Variants in RBFOX1 observed in about 807,000 individuals in gnomAD.
The protein encoded by RBFOX1 is RNA binding protein fox-1 homolog 1.
In RBFOX1, 8 loss-of-function variants were observed where a neutral mutation model predicts 57.7. That is an observed-to-expected ratio of 0.14 (90% CI 0.08 to 0.25). RBFOX1 has a LOEUF of 0.25. Ranked by LOEUF, RBFOX1 falls within the 10% of genes least tolerant of loss-of-function variation. RBFOX1 has a pLI of 1.00. For synonymous variants in RBFOX1, 326 were observed against 222.4 expected (o/e 1.47, Z -4.15); for missense variants, 611 against 548.5 (o/e 1.11, Z -1.14).
At chr16:7,367,717 C>G (rs1050616245) in intron 4 of RBFOX1, among the ~76,000 whole-genome samples, 2 of 152,166 alleles carry the variant, frequency 1.3e-5, no homozygotes, top group African/African-American at 4.8e-5. Flanking sequence ...GAGGCAGCTT[C>G]TCCTTAGCTG....
intron 14 of RBFOX1, among the ~76,000 whole-genome samples, chr16:7,684,695 G>C (rs1271047895): frequency 6.6e-6 from 1 of 151,328 alleles, no homozygotes; most frequent in Admixed American, 6.6e-5. Flanking sequence ...TTTCAATTTT[G>C]TAATTTAAAA....
intron 3 of RBFOX1, among the ~76,000 whole-genome samples, chr16:6,770,022 A>T (rs2078032305): frequency 6.6e-6 from 1 of 152,162 alleles, no homozygotes; most frequent in African/African-American, 2.4e-5. Context: ...CTCTATTCTC[A>T]GGATGGTTGA....
At chr16:5,998,753 G>A (rs879424549) in intron 4 of RBFOX1, among the ~76,000 whole-genome samples, 22 of 152,146 alleles carry the variant, frequency 1.4e-4, no homozygotes, top group Non-Finnish European at 3.1e-4. Flanking sequence ...AGTGCAAATG[G>A]CATTTTTTCG....
At chr16:6,209,317 G>C (rs948098365) in intron 1 of RBFOX1, among the ~76,000 whole-genome samples, 3 of 152,312 alleles carry the variant, frequency 2.0e-5, no homozygotes, top group Non-Finnish European at 2.9e-5. Flanking sequence ...GTTACATTAT[G>C]TTCCCCTGGG....
At chr16:6,196,438 T>G (rs1382244023) in intron 1 of RBFOX1, among the ~76,000 whole-genome samples, 1 of 152,180 alleles carries the variant, frequency 6.6e-6, no homozygotes, top group Non-Finnish European at 1.5e-5. Flanking sequence ...GCAGAAAACG[T>G]TTAACACATT....
rs367872398 is a variant in RBFOX1, at chr16:5,928,941, AG to A, written c.351+61609del. Among the ~76,000 whole-genome samples the A allele has an allele frequency of 4.0e-5, 6 of 151,892 alleles. No individual in the cohort carries two copies. In the South Asian group the frequency reaches 6.2e-4, roughly 16 times the overall value. On this transcript the variant is annotated intron_variant, in intron 4 of 19. Coordinates refer to the RBFOX1 transcript ENST00000641259. ...AAAACAGAGCTCGCAATGTGGCTGCAGGGATGCTCGCCTCAAAAGGAGGGGT... is the reference window on the plus strand; with the variant it reads ...AAAACAGAGCTCGCAATGTGGCTGCAGGATGCTCGCCTCAAAAGGAGGGGT...
At chr16:6,033,270 C>T (rs1393665920) in intron 1 of RBFOX1, among the ~76,000 whole-genome samples, 2 of 152,166 alleles carry the variant, frequency 1.3e-5, no homozygotes, top group Non-Finnish European at 2.9e-5. Context: ...AGGGTCGTTT[C>T]TAGGCAGGGA....
chr16:6,239,652 C>G (rs919884999), intron 1 of RBFOX1, among the ~76,000 whole-genome samples: 8 of 151,868 alleles, frequency 5.3e-5, no homozygotes, highest in African/African-American at 1.7e-4. Context: ...CACCCACCAC[C>G]ATGTCCAGCT....
chr16:7,236,564 T>A (rs926289194), intron 4 of RBFOX1, among the ~76,000 whole-genome samples: 4 of 152,208 alleles, frequency 2.6e-5, no homozygotes, highest in African/African-American at 9.6e-5. Flanking sequence ...TACTGTCAGA[T>A]GAACTGATAT....
chr16:5,657,114 A>G (rs2049456665), intron 3 of RBFOX1, among the ~76,000 whole-genome samples: 1 of 152,168 alleles, frequency 6.6e-6, no homozygotes, highest in Admixed American at 6.5e-5. Context: ...AAAAAAAAGA[A>G]ACAGTCTTCT....
Position 6,028,302 on chromosome 16 carries a change from A to ATAGTCC in RBFOX1, c.-127+8312_-127+8317dup, listed in dbSNP as rs1316686842. 9.2e-5 allele frequency among the ~76,000 whole-genome samples: 14 copies of ATAGTCC among 152,242 alleles called. No homozygotes were observed. In the East Asian group the frequency reaches 2.3e-3, roughly 25 times the overall value. Reference sequence around the variant, plus strand: ...GCAGAAATTCCCCAGTGGAGGGAAAATAGTCCTTTTCACAGGTTAGAGAAA... The same window carrying ATAGTCC: ...GCAGAAATTCCCCAGTGGAGGGAAAATAGTCCTAGTCCTTTTCACAGGTTAGAGAAA... On this transcript the variant is annotated intron_variant, in intron 1 of 15. Transcript: ENST00000550418.
rs59599069 is a variant in RBFOX1, at chr16:7,304,915, G to GGTGT, written c.28-213191_28-213188dup. On this transcript the variant is annotated intron_variant, in intron 4 of 15. Coordinates refer to ENST00000550418, the MANE Select transcript of RBFOX1 (RefSeq NM_018723.4). ...AGGAGAAGTGTGTGGTGTGTGGTGT[G>GGTGT]GTGTGTGTGTGTGTGTGTGTGTGTG... Among the ~76,000 whole-genome samples, 1,403 of 140,580 alleles carry GGTGT rather than the reference G, an allele frequency of 1.0e-2. 9 individuals are homozygous for GGTGT. Among genetic ancestry groups the GGTGT allele is most frequent in the Non-Finnish European group, 0.016 (1,019 of 65,186 alleles). 92.2% of individuals were successfully genotyped at this position (140,580 alleles called of 152,430 possible). A position where few individuals can be genotyped will look rare whatever the true frequency, so the allele number is the denominator to read the frequency against.
chr16:6,789,602 G>A (rs1417162984), intron 3 of RBFOX1, among the ~76,000 whole-genome samples: 1 of 152,178 alleles, frequency 6.6e-6, no homozygotes. Flanking sequence ...TTGACTCAGT[G>A]CTGTGCCCAT....
At chr16:6,352,092 T>C (rs571692978) in intron 2 of RBFOX1, among the ~76,000 whole-genome samples, 57 of 152,306 alleles carry the variant, frequency 3.7e-4, no homozygotes, top group African/African-American at 1.2e-3. Context: ...ATGGATAAGG[T>C]ACAATTGAGA....
intron 3 of RBFOX1, among the ~76,000 whole-genome samples, chr16:5,700,614 A>G (rs371461248): frequency 2.6e-5 from 4 of 152,224 alleles, no homozygotes; most frequent in African/African-American, 9.6e-5. Flanking sequence ...CAGAGAAACA[A>G]TGTGTTTTCA....
At chr16:5,732,247 A>G (rs766875843) in intron 3 of RBFOX1, among the ~76,000 whole-genome samples, 3 of 152,216 alleles carry the variant, frequency 2.0e-5, no homozygotes, top group Non-Finnish European at 4.4e-5. Flanking sequence ...CCTGCCTTGA[A>G]ATTTGTAAAT....
intron 3 of RBFOX1, among the ~76,000 whole-genome samples, chr16:6,828,106 C>T (rs952750817): frequency 1.3e-5 from 2 of 152,152 alleles, no homozygotes; most frequent in Admixed American, 6.5e-5. Context: ...ACAGAAGGTA[C>T]AGGTGGCATG....
intron 4 of RBFOX1, among the ~76,000 whole-genome samples, chr16:7,093,029 A>G (rs1476329098): frequency 6.6e-6 from 1 of 152,122 alleles, no homozygotes; most frequent in Admixed American, 6.5e-5. Flanking sequence ...GGAGAGAGAA[A>G]TTTTCGTTTT....
In RBFOX1 at chr16:7,134,043, C is replaced by T. The variant is rs186975828; in HGVS notation, c.27+81945C>T. Among the ~76,000 whole-genome samples, 233 of 152,256 alleles carry T rather than the reference C, an allele frequency of 1.5e-3. 2 individuals are homozygous for T. Among genetic ancestry groups the T allele is most frequent in the Non-Finnish European group, 1.1e-3 (72 of 68,026 alleles). On this transcript the variant is annotated intron_variant, in intron 4 of 15. Coordinates refer to ENST00000550418, the MANE Select transcript of RBFOX1 (RefSeq NM_018723.4). ...ATACTGTGCTTCAGTAAATTTAATA[C>T]GTGGGCCTCAGTAATGGAGGGAATC... is the stretch of plus-strand genomic sequence containing the variant.
Sources: allele counts gnomAD v4.1 joint callset (sites outside exome capture counted in the v4.1 genomes callset), GRCh38; gene constraint gnomAD v4.1.1; transcripts MANE v1.5; gene names NCBI Gene and HGNC (gene_info 2026-07-23, HGNC 2026-07-21).